VEGFC: variants seen among roughly 807,000 people sequenced by gnomAD.
VEGFC encodes vascular endothelial growth factor C.
Under a neutral mutation model 46.1 loss-of-function variants are expected in VEGFC, and 12 were observed. The ratio of observed to expected loss-of-function variants is 0.26; its 90% CI spans 0.17 to 0.42. VEGFC has a LOEUF of 0.42. Among genes scored for constraint, VEGFC ranks in the 10% least tolerant of loss-of-function variants. The pLI is 1.00. For missense variants in VEGFC, 488 were observed against 529.4 expected, an observed-to-expected ratio of 0.92 and a Z score of 0.77; for synonymous variants, 232 against 195.5, an observed-to-expected ratio of 1.19 and a Z score of -1.56.
At chr4:176,700,522 A>T (rs1734409644) in intron 4 of VEGFC, among the ~76,000 whole-genome samples, 1 of 152,148 alleles carries the variant, frequency 6.6e-6, no homozygotes, top group Non-Finnish European at 1.5e-5. Flanking sequence ...ACTGACTTGG[A>T]TATAAAACAT....
At chr4:176,728,753 A>G (rs543872172) in intron 2 of VEGFC, among the ~76,000 whole-genome samples, 1 of 152,384 alleles carries the variant, frequency 6.6e-6, no homozygotes, top group East Asian at 1.9e-4. Context: ...TGGTTATACA[A>G]CCATGAAGCC....
intron 1 of VEGFC, among the ~76,000 whole-genome samples, chr4:176,744,419 T>A (rs1305778024): frequency 1.3e-5 from 2 of 152,038 alleles, no homozygotes; most frequent in East Asian, 3.9e-4. Flanking sequence ...TTCTGAAATA[T>A]CAAGGTTCTT....
At chr4:176,698,957 C>T (rs1184707666) in intron 4 of VEGFC, among the ~76,000 whole-genome samples, 1 of 152,180 alleles carries the variant, frequency 6.6e-6, no homozygotes, top group Non-Finnish European at 1.5e-5. Flanking sequence ...TATTGATTTA[C>T]TTCCCCAGAT....
At chr4:176,772,638 C>A (rs1037894586) in intron 1 of VEGFC, among the ~76,000 whole-genome samples, 2 of 152,174 alleles carry the variant, frequency 1.3e-5, no homozygotes, top group Admixed American at 6.5e-5. Flanking sequence ...AAAGGTGGGA[C>A]CTTCAGAAGG....
Position 176,683,761 on chromosome 4 carries a change from T to G in VEGFC, c.*165A>C. 2.1e-6 allele frequency: 1 copy of G among 483,564 alleles called. No homozygotes were observed. 30.0% of individuals were successfully genotyped at this position (483,564 alleles called of 1,614,324 possible). On this transcript the variant is annotated 3_prime_UTR_variant, in exon 7 of 7. Coordinates refer to ENST00000618562, the MANE Select transcript of VEGFC (RefSeq NM_005429.5). ...GTCTTTACAAGAGGCCTTTTGCAGA[T>G]GAGCTCCAGTCCATTTCTGTAAAGT...
At chr4:176,711,985 G>C (rs1734628310) in intron 3 of VEGFC, among the ~76,000 whole-genome samples, 1 of 152,044 alleles carries the variant, frequency 6.6e-6, no homozygotes, top group Non-Finnish European at 1.5e-5. Flanking sequence ...TAGATTATTT[G>C]AAATGAACAT....
intron 1 of VEGFC, among the ~76,000 whole-genome samples, chr4:176,731,324 A>T (rs778605019): frequency 1.3e-4 from 20 of 152,098 alleles, no homozygotes; most frequent in Non-Finnish European, 2.6e-4. Context: ...CTGAAGGGAA[A>T]ATTTATAAAA....
chr4:176,687,845 T>C lies in VEGFC; in HGVS notation c.787A>G (p.Met263Val), dbSNP rs1274901962. Residue 263 changes from methionine (M) to valine (V), a missense_variant, in exon 5 of 7, where the codon ATG (methionine) becomes GTG (valine). Physicochemically the swap from Met to Val is conservative, Grantham distance 21. Transcript: ENST00000618562. Reference protein sequence around the residue: ...ICRCLAQEDFMFSSDAGDDST... With the variant: ...ICRCLAQEDFVFSSDAGDDST... ...CCATCTCCAGCATCCGAGGAAAACA[T>C]AAAATCTTCCTGAGCCAGGCATCTG... 2.7e-5 allele frequency: 44 copies of C among 1,611,558 alleles called. No individual in the cohort carries two copies. The highest frequency in any genetic ancestry group is 3.6e-5 in the Non-Finnish European group (43 of 1,178,858).
At chr4:176,753,871 TTGGATATCTGA>T (rs1193753175) in intron 1 of VEGFC, among the ~76,000 whole-genome samples, 2 of 152,106 alleles carry the variant, frequency 1.3e-5, no homozygotes, top group Non-Finnish European at 2.9e-5. Flanking sequence ...TTTATGTCTT[TTGGATATCTGA>T]TTTCTTTTAG....
At chr4:176,750,883 G>A (rs187811216) in intron 1 of VEGFC, among the ~76,000 whole-genome samples, 6 of 151,510 alleles carry the variant, frequency 4.0e-5, no homozygotes, top group Non-Finnish European at 5.9e-5. Context: ...ATTTCTATAC[G>A]TTTGAAAACT....
At chr4:176,778,968 C>A (rs545847939) in intron 1 of VEGFC, among the ~76,000 whole-genome samples, 1 of 152,142 alleles carries the variant, frequency 6.6e-6, no homozygotes, top group Non-Finnish European at 1.5e-5. Context: ...GCCCCCACCA[C>A]CAATCAATCA....
At chr4:176,753,586 C>A (rs1012842152) in intron 1 of VEGFC, among the ~76,000 whole-genome samples, 7 of 152,204 alleles carry the variant, frequency 4.6e-5, no homozygotes, top group Middle Eastern at 3.4e-3. Context: ...TTTTATAACT[C>A]CTCCCTCATG....
At chr4:176,684,233 A>G (rs55812504) in intron 6 of VEGFC, among the ~76,000 whole-genome samples, 193 bp from the exon 7 acceptor site, 4,140 of 152,360 alleles carry the variant, frequency 0.027, 174 homozygotes, top group African/African-American at 0.093. Context: ...GAAAAGCCTT[A>G]AAATAAAAGT....
intron 1 of VEGFC, among the ~76,000 whole-genome samples, chr4:176,740,359 AT>A (rs1448263906): frequency 9.1e-5 from 11 of 120,734 alleles, no homozygotes; most frequent in African/African-American, 3.1e-4. Flanking sequence ...ATATATAGTT[AT>A]ATATATTCTA....
In VEGFC at chr4:176,758,914, C is replaced by T. The variant is rs533761718; in HGVS notation, c.148-29168G>A. On this transcript the variant is annotated intron_variant, in intron 1 of 6. Coordinates refer to ENST00000618562, the MANE Select transcript of VEGFC (RefSeq NM_005429.5). ...TATTTAGCTTCCAGTGGCATTTGCT[C>T]AGCTGTATCCTTGGCATTGCAAGCT... Among the ~76,000 whole-genome samples, 92 of 152,232 alleles carry T rather than the reference C, an allele frequency of 6.0e-4. 1 individual carries two copies. The South Asian group carries it at 0.019, about 31-fold the overall frequency.
At chr4:176,768,255 A>G (rs1392858987) in intron 1 of VEGFC, among the ~76,000 whole-genome samples, 2 of 152,050 alleles carry the variant, frequency 1.3e-5, no homozygotes, top group African/African-American at 4.8e-5. Context: ...AGATATGAAG[A>G]TATCTAGAAC....
chr4:176,697,233 C>T (rs1363121051), intron 4 of VEGFC, among the ~76,000 whole-genome samples: 60 of 149,988 alleles, frequency 4.0e-4, no homozygotes, highest in African/African-American at 1.3e-3. Context: ...ACAACCTACT[C>T]ATCTGACAAA....
At chr4:176,759,312 T>A (rs753387026) in intron 1 of VEGFC, among the ~76,000 whole-genome samples, 4 of 151,098 alleles carry the variant, frequency 2.6e-5, no homozygotes, top group Non-Finnish European at 5.9e-5. Context: ...TCCGGCCATT[T>A]GCAAAAAGAT....
chr4:176,749,017 G>A (rs1334674812), intron 1 of VEGFC, among the ~76,000 whole-genome samples: 1 of 151,942 alleles, frequency 6.6e-6, no homozygotes, highest in African/African-American at 2.4e-5. Context: ...CTTGAAAGAA[G>A]AAGTTTATAA....
Sources: gnomAD v4.1 joint callset for allele counts (sites outside exome capture counted in the v4.1 genomes callset) on GRCh38, gnomAD v4.1.1 for gene constraint, MANE v1.5 for transcripts, NCBI Gene and HGNC (gene_info 2026-07-23, HGNC 2026-07-21) for gene names.